Variants in PPP2R3A observed in about 807,000 individuals in gnomAD.
PPP2R3A encodes serine/threonine-protein phosphatase 2A regulatory subunit B'' subunit alpha.
Under a neutral mutation model 106.9 loss-of-function variants are expected in PPP2R3A, and 80 were observed. That is an observed-to-expected ratio of 0.75 (90% CI 0.62 to 0.90). PPP2R3A has a LOEUF of 0.90. Ranked by LOEUF, PPP2R3A falls within the 40% of genes least tolerant of loss-of-function variation. PPP2R3A has a pLI of 0.00. For synonymous variants in PPP2R3A, 483 were observed against 468.3 expected, an observed-to-expected ratio of 1.03 and a Z score of -0.41; for missense variants, 1,386 against 1,350.4, an observed-to-expected ratio of 1.03 and a Z score of -0.41.
chr3:136,049,227 C>T (rs373338463), intron 4 of PPP2R3A, 32 bp from the exon 5 acceptor site: 5 of 1,486,850 alleles, frequency 3.4e-6, no homozygotes, highest in Non-Finnish European at 3.7e-6. Context: ...TTCAGAGGAA[C>T]TAATCTTCCT....
chr3:136,128,253 T>C (rs1299397879), intron 13 of PPP2R3A, among the ~76,000 whole-genome samples: 1 of 151,796 alleles, frequency 6.6e-6, no homozygotes, highest in Non-Finnish European at 1.5e-5. Context: ...ACTGGTGTGC[T>C]GTATTCAGGA....
chr3:136,002,931 T>C lies in PPP2R3A; in HGVS notation c.1433T>C (p.Val478Ala). 1 of 1,611,796 alleles carries C rather than the reference T, an allele frequency of 6.2e-7. No homozygotes were observed. The highest frequency in any genetic ancestry group is 8.5e-7 in the Non-Finnish European group (1 of 1,179,374). Reference sequence around the variant, plus strand: ...GGTAAGATATTTGAGAAATCATTTGTTAATCTACCTAAGGAAGACTGTAAA... The same window carrying C: ...GGTAAGATATTTGAGAAATCATTTGCTAATCTACCTAAGGAAGACTGTAAA... The part of the protein sequence containing the change: ...EIGKIFEKSF[V>A]NLPKEDCKSK... Residue 478 changes from valine to alanine, a missense_variant, in exon 2 of 14, where the codon GTT (valine) becomes GCT (alanine). Physicochemically the swap from Val to Ala is moderately conservative, Grantham distance 64 (BLOSUM62 0). Coordinates refer to ENST00000264977, the MANE Select transcript of PPP2R3A (RefSeq NM_002718.5).
chr3:136,082,235 G>A (rs1443881670), intron 7 of PPP2R3A, 30 bp from the exon 8 acceptor site: 1 of 1,541,530 alleles, frequency 6.5e-7, no homozygotes, highest in Non-Finnish European at 8.9e-7. Flanking sequence ...TTTTCATAAT[G>A]TTTAAATTCT....
intron 8 of PPP2R3A, among the ~76,000 whole-genome samples, chr3:136,087,172 C>A (rs368091808): frequency 6.6e-6 from 1 of 151,844 alleles, no homozygotes; most frequent in African/African-American, 2.4e-5. Context: ...CCATTGCACT[C>A]CAGCCTGGGC....
At chr3:136,138,695 ATTTTTTTTTTTTTTTTTTTTTTT>A (rs747811648) in intron 13 of PPP2R3A, among the ~76,000 whole-genome samples, 1 of 50,638 alleles carries the variant, frequency 2.0e-5, no homozygotes, top group South Asian at 1.1e-3. Flanking sequence ...GAAATATTGA[ATTTTTTTTTTTTTTTTTTTTTTT>A]TTTTTTTTTT....
intron 13 of PPP2R3A, among the ~76,000 whole-genome samples, chr3:136,130,112 A>C (rs1191438357): frequency 7.9e-5 from 12 of 152,282 alleles, no homozygotes; most frequent in Admixed American, 7.8e-4. Context: ...GCACGAGACA[A>C]GGATGCCCTC....
chr3:136,037,621 T>TA, intron 3 of PPP2R3A, among the ~76,000 whole-genome samples: 1 of 152,308 alleles, frequency 6.6e-6, no homozygotes, highest in East Asian at 1.9e-4. Context: ...AAAATGGGAT[T>TA]AAAAAAATCA....
intron 11 of PPP2R3A, among the ~76,000 whole-genome samples, 160 bp downstream of exon 11, chr3:136,102,342 CT>C (rs397874378): frequency 0.17 from 19,790 of 115,764 alleles, 803 homozygotes; most frequent in Non-Finnish European, 0.23. Flanking sequence ...AGTGTAGCAA[CT>C]TTTTTTTTTT....
intron 2 of PPP2R3A, among the ~76,000 whole-genome samples, chr3:136,010,041 G>T (rs1005724302): frequency 6.6e-6 from 1 of 152,002 alleles, no homozygotes; most frequent in Non-Finnish European, 1.5e-5. Context: ...CCACTCTGCA[G>T]GTGCCTTTTT....
At chr3:136,127,430 TAATGA>T (rs1156604853) in intron 13 of PPP2R3A, among the ~76,000 whole-genome samples, 89 of 152,164 alleles carry the variant, frequency 5.8e-4, no homozygotes, top group Non-Finnish European at 4.4e-4. Flanking sequence ...AAGATCAAAC[TAATGA>T]AATGAAGTGA....
chr3:136,035,358 G>T (rs1281058484), intron 3 of PPP2R3A, among the ~76,000 whole-genome samples: 1 of 152,030 alleles, frequency 6.6e-6, no homozygotes, highest in Non-Finnish European at 1.5e-5. Flanking sequence ...GTTCTGTTTT[G>T]GGTGTTTCCA....
At chr3:136,115,654 T>C (rs1398873659) in intron 13 of PPP2R3A, among the ~76,000 whole-genome samples, 5 of 151,328 alleles carry the variant, frequency 3.3e-5, no homozygotes, top group Non-Finnish European at 5.9e-5. Context: ...ATATCAGACA[T>C]TGAAGATCAG....
intron 3 of PPP2R3A, among the ~76,000 whole-genome samples, chr3:136,037,846 C>A (rs758504127): frequency 6.6e-6 from 1 of 152,046 alleles, no homozygotes; most frequent in East Asian, 1.9e-4. Context: ...ACTTTGATTA[C>A]CATATATTGA....
intron 10 of PPP2R3A, among the ~76,000 whole-genome samples, chr3:136,097,064 TG>T (rs1290685863): frequency 2.0e-5 from 3 of 152,176 alleles, no homozygotes; most frequent in African/African-American, 7.2e-5. Context: ...CAAATATTGG[TG>T]GTAAATATAG....
At chr3:136,125,972 A>G (rs1309486827) in intron 13 of PPP2R3A, among the ~76,000 whole-genome samples, 1 of 152,198 alleles carries the variant, frequency 6.6e-6, no homozygotes, top group Non-Finnish European at 1.5e-5. Flanking sequence ...GATAAAGGAC[A>G]TCTGTAGTTA....
rs1466075979 is a variant in PPP2R3A at position 136,121,145 on chromosome 3, A to G, written c.3329+14823A>G. On this transcript the variant is annotated intron_variant, in intron 13 of 13. Transcript: ENST00000264977. ...AGACACATGCACTTATACGTCCATC[A>G]TATTCACAATAGCAAAGACATGGAA... Among the ~76,000 whole-genome samples the G allele has an allele frequency of 3.9e-5, 6 of 152,138 alleles. No individual in the cohort carries two copies. In the East Asian group the frequency reaches 5.8e-4, roughly 15 times the overall value.
intron 1 of PPP2R3A, among the ~76,000 whole-genome samples, chr3:135,971,985 G>C (rs1299051964): frequency 6.6e-6 from 1 of 152,046 alleles, no homozygotes; most frequent in Non-Finnish European, 1.5e-5. Flanking sequence ...TTTTTTAATT[G>C]AGGTAAAATT....
intron 11 of PPP2R3A, among the ~76,000 whole-genome samples, 158 bp from the exon 12 acceptor site, chr3:136,103,100 T>TA (rs1055336400): frequency 2.0e-5 from 3 of 152,280 alleles, no homozygotes; most frequent in Admixed American, 2.0e-4. Flanking sequence ...GAGAAATTGA[T>TA]ACCCTTGAAA....
chr3:136,098,350 A>G (rs1199857799), intron 10 of PPP2R3A, among the ~76,000 whole-genome samples: 1 of 152,364 alleles, frequency 6.6e-6, no homozygotes, highest in African/African-American at 2.4e-5. Flanking sequence ...CAAGTATTAC[A>G]TGTTCAATTT....
Sources: allele counts gnomAD v4.1 joint callset (sites outside exome capture counted in the v4.1 genomes callset), GRCh38; gene constraint gnomAD v4.1.1; transcripts MANE v1.5; gene names NCBI Gene and HGNC (gene_info 2026-07-23, HGNC 2026-07-21).